GRM5: variants seen among roughly 807,000 people sequenced by gnomAD.
GRM5 encodes glutamate metabotropic receptor 5.
GRM5 carries 19 observed loss-of-function variants against 83.1 expected under a neutral mutation model. The ratio of observed to expected loss-of-function variants is 0.23; its 90% CI spans 0.16 to 0.34. GRM5 has a LOEUF of 0.34. GRM5 is among the 10% of genes least tolerant of loss of function. The probability of loss-of-function intolerance (pLI) is 1.00; values close to 1 mark genes in which losing one functional copy is unlikely to be tolerated. For missense variants in GRM5, 1,160 were observed against 1,588.3 expected, an observed-to-expected ratio of 0.73 and a Z score of 4.58; for synonymous variants, 675 against 633.6, an observed-to-expected ratio of 1.07 and a Z score of -0.98.
At chr11:88,875,372 C>T (rs1669085807) in intron 2 of GRM5, among the ~76,000 whole-genome samples, 3 of 151,976 alleles carry the variant, frequency 2.0e-5, no homozygotes, top group Non-Finnish European at 2.9e-5. Context: ...CATTGTGAGG[C>T]TCACCTTCTA....
chr11:88,708,005 C>A (rs949618793), intron 3 of GRM5, among the ~76,000 whole-genome samples: 2 of 152,028 alleles, frequency 1.3e-5, no homozygotes, highest in East Asian at 1.9e-4. Context: ...TATTTGAGAA[C>A]CACCTGCACT....
chr11:88,811,104 T>C (rs1943581670), intron 3 of GRM5, among the ~76,000 whole-genome samples: 1 of 152,070 alleles, frequency 6.6e-6, no homozygotes, highest in African/African-American at 2.4e-5. Context: ...CTTTTTTTGT[T>C]TTTTTTCCAT....
intron 2 of GRM5, among the ~76,000 whole-genome samples, chr11:89,042,715 A>G (rs1941561266): frequency 6.6e-6 from 1 of 152,208 alleles, no homozygotes; most frequent in Non-Finnish European, 1.5e-5. Flanking sequence ...AGATGGGAAA[A>G]GTGTACTCCC....
chr11:88,892,599 C>A (rs1208774745), intron 2 of GRM5, among the ~76,000 whole-genome samples: 4 of 152,008 alleles, frequency 2.6e-5, no homozygotes, highest in Non-Finnish European at 2.9e-5. Flanking sequence ...AGAACACAGT[C>A]CTATCATAAT....
At chr11:88,783,555 A>G (rs1221845433) in intron 3 of GRM5, among the ~76,000 whole-genome samples, 1 of 152,128 alleles carries the variant, frequency 6.6e-6, no homozygotes, top group Non-Finnish European at 1.5e-5. Context: ...AGCAGCAACC[A>G]TATTGTATAG....
intron 2 of GRM5, among the ~76,000 whole-genome samples, chr11:88,968,820 T>C (rs2134999614): frequency 6.6e-6 from 1 of 152,122 alleles, no homozygotes; most frequent in African/African-American, 2.4e-5. Flanking sequence ...AAAACCAAAC[T>C]AAAAAATAAG....
At chr11:88,815,952 G>A (rs1313297960) in intron 3 of GRM5, among the ~76,000 whole-genome samples, 1 of 150,976 alleles carries the variant, frequency 6.6e-6, no homozygotes, top group Non-Finnish European at 1.5e-5. Flanking sequence ...GGTGGCTCAC[G>A]CCTGTAATCC....
At chr11:88,770,327 A>C (rs563503777) in intron 3 of GRM5, among the ~76,000 whole-genome samples, 2 of 152,242 alleles carry the variant, frequency 1.3e-5, no homozygotes, top group African/African-American at 4.8e-5. Flanking sequence ...GGACTTCTTA[A>C]TAAATATTCT....
chr11:88,697,902 G>C (rs912943782), intron 3 of GRM5, among the ~76,000 whole-genome samples: 1 of 152,154 alleles, frequency 6.6e-6, no homozygotes, highest in East Asian at 1.9e-4. Flanking sequence ...AACCCAGAGA[G>C]TCATACTGGA....
intron 2 of GRM5, among the ~76,000 whole-genome samples, chr11:88,968,575 G>C (rs1221854571): frequency 1.1e-4 from 16 of 152,154 alleles, no homozygotes; most frequent in African/African-American, 3.9e-4. Flanking sequence ...TGTAGTCCCA[G>C]CTACTTAGGA....
At chr11:88,827,764 T>C (rs1943917828) in intron 3 of GRM5, among the ~76,000 whole-genome samples, 1 of 152,216 alleles carries the variant, frequency 6.6e-6, no homozygotes, top group African/African-American at 2.4e-5. Context: ...TTCTTTATAG[T>C]GACATAGGAT....
At chr11:88,912,527 G>A (rs1371286220) in intron 2 of GRM5, among the ~76,000 whole-genome samples, 4 of 143,766 alleles carry the variant, frequency 2.8e-5, no homozygotes, top group Admixed American at 2.1e-4. Context: ...GTATATGCAT[G>A]CATGTGTATG....
chr11:88,622,836 A>T (rs909446453), intron 4 of GRM5, among the ~76,000 whole-genome samples: 4 of 152,102 alleles, frequency 2.6e-5, no homozygotes, highest in African/African-American at 9.7e-5. Flanking sequence ...GCTTATTTGG[A>T]GTCATATAAC....
chr11:89,012,487 A>G (rs1412974733), intron 2 of GRM5, among the ~76,000 whole-genome samples: 1 of 152,108 alleles, frequency 6.6e-6, no homozygotes. Context: ...TATTGTTGCA[A>G]ATAGGGGTAT....
At chr11:88,896,241 A>G (rs565936481) in intron 2 of GRM5, among the ~76,000 whole-genome samples, 1 of 151,904 alleles carries the variant, frequency 6.6e-6, no homozygotes, top group Non-Finnish European at 1.5e-5. Flanking sequence ...AATCACTGAC[A>G]TACATAAATA....
At chr11:88,818,344 C>A (rs1042863840) in intron 3 of GRM5, among the ~76,000 whole-genome samples, 3 of 152,010 alleles carry the variant, frequency 2.0e-5, no homozygotes, top group Admixed American at 2.0e-4. Flanking sequence ...CAAATGCCTC[C>A]ATTCTGTACA....
chr11:88,549,994 A>G (rs1161582767), intron 8 of GRM5, among the ~76,000 whole-genome samples: 1 of 152,122 alleles, frequency 6.6e-6, no homozygotes, highest in Non-Finnish European at 1.5e-5. Flanking sequence ...AATGCAAAAG[A>G]TAAGGTAAAA....
chr11:88,608,200 C>G (rs892747106), intron 4 of GRM5, among the ~76,000 whole-genome samples: 10 of 152,078 alleles, frequency 6.6e-5, no homozygotes, highest in African/African-American at 9.7e-5. Context: ...ACCCATTTCC[C>G]ATAACTTGCA....
chr11:88,519,109 C>T (rs1006804374), intron 9 of GRM5, among the ~76,000 whole-genome samples: 1 of 150,950 alleles, frequency 6.6e-6, no homozygotes, highest in Non-Finnish European at 1.5e-5. Flanking sequence ...CTTTTAGACA[C>T]ATCAAGGAGG....
Sources: gnomAD v4.1 joint callset for allele counts (sites outside exome capture counted in the v4.1 genomes callset) on GRCh38, gnomAD v4.1.1 for gene constraint, MANE v1.5 for transcripts, NCBI Gene and HGNC (gene_info 2026-07-23, HGNC 2026-07-21) for gene names.